HEATR1: variants seen among roughly 807,000 people sequenced by gnomAD.
HEATR1 encodes the protein HEAT repeat containing 1, also known as HEAT repeat-containing protein 1.
Under a neutral mutation model 248.2 loss-of-function variants are expected in HEATR1, and 77 were observed. That is an observed-to-expected ratio of 0.31 (90% CI 0.26 to 0.37). The LOEUF is 0.37. HEATR1 is among the 10% of genes least tolerant of loss of function. The pLI, the probability that HEATR1 is intolerant of heterozygous loss-of-function variation, is 1.00. For synonymous variants in HEATR1, 897 were observed against 923.1 expected (o/e 0.97, Z 0.51); for missense variants, 2,420 against 2,504.9 (o/e 0.97, Z 0.72).
At chr1:236,589,132 C>T (rs545941102) in intron 12 of HEATR1, among the ~76,000 whole-genome samples, 20 of 152,170 alleles carry the variant, frequency 1.3e-4, no homozygotes, top group African/African-American at 4.3e-4. Context: ...CACCGAAAAA[C>T]GAACCAAACC....
chr1:236,556,666 T>C (rs1662987212), intron 37 of HEATR1, among the ~76,000 whole-genome samples: 1 of 152,194 alleles, frequency 6.6e-6, no homozygotes, highest in Admixed American at 6.5e-5. Context: ...ATTTGCCCCA[T>C]GGTAATGAAG....
At chr1:236,551,272 C>T (rs1042291346) in intron 44 of HEATR1, 1 of 406,292 alleles carries the variant, frequency 2.5e-6, no homozygotes, top group Non-Finnish European at 4.4e-6. Flanking sequence ...CACACCTCCC[C>T]CCTCCAAGAG....
In HEATR1 at chr1:236,559,828, C is replaced by G; in HGVS notation, c.4656G>C (p.Glu1552Asp). 6.2e-7 allele frequency: 1 copy of G among 1,603,506 alleles called. No homozygotes were observed. The highest frequency in any genetic ancestry group is 8.5e-7 in the Non-Finnish European group (1 of 1,173,444). ...ILKGLEERLLETVLGYISAVA... is the reference protein window; with the variant it reads ...ILKGLEERLLDTVLGYISAVA... ...CTGCACTGATATAGCCGAGAACGGT[C>G]TCCAGCAACCTGAAACACAGAGGCT... is the stretch of plus-strand genomic sequence containing the variant. The change falls in exon 34 of 45, where the codon GAG (glutamate) becomes GAC (aspartate). Residue 1552 changes from glutamate (E) to aspartate (D), a missense_variant. Glu to Asp is a conservative substitution (Grantham distance 45, BLOSUM62 2). Coordinates refer to ENST00000366582, the MANE Select transcript of HEATR1 (RefSeq NM_018072.6).
At position 236,549,201 on chromosome 1, in the gene HEATR1, T is replaced by A; in HGVS notation, c.*1701A>T. On this transcript the variant is annotated 3_prime_UTR_variant, in exon 45 of 45. Coordinates refer to ENST00000366582, the MANE Select transcript of HEATR1 (RefSeq NM_018072.6). ...TCTTCTAAAGATTAGTCCATCATCA[T>A]TAGCAACTGAGATCAAAGCACTCTT... is the stretch of plus-strand genomic sequence containing the variant. 5.1e-6 allele frequency: 2 copies of A among 389,238 alleles called. No individual in the cohort carries two copies. The highest frequency in any genetic ancestry group is 9.1e-6 in the Non-Finnish European group (2 of 220,510). 24.1% of individuals were successfully genotyped at this position (389,238 alleles called of 1,614,324 possible).
chr1:236,585,762 GAATTT>G (rs1663868296), intron 16 of HEATR1, 53 bp downstream of exon 16: 1 of 1,540,030 alleles, frequency 6.5e-7, no homozygotes. Context: ...CAAAAGCTGA[GAATTT>G]AATAAGAGTA....
intron 6 of HEATR1, among the ~76,000 whole-genome samples, chr1:236,596,473 G>C (rs545108077): frequency 6.6e-6 from 1 of 152,302 alleles, no homozygotes; most frequent in South Asian, 2.1e-4. Context: ...AAGGCACTTG[G>C]GAAGGAGAAA....
At position 236,592,429 on chromosome 1, in the gene HEATR1, G is replaced by A. The variant is rs74145999; in HGVS notation, c.1304+94C>T. The A allele has an allele frequency of 5.7e-4, 384 of 673,292 alleles. No individual in the cohort carries two copies. The African/African-American group carries it at 6.4e-3, about 11-fold the overall frequency. The allele number at this position is 673,292 out of a possible 1,614,324, so 41.7% of individuals were successfully genotyped here. A position where few individuals can be genotyped will look rare whatever the true frequency, so the allele number is the denominator to read the frequency against. ...AACAAATTTAAAAAGGACAGTCTCTGTACAATTCAGTATATTAAGATGTGA... is the reference window on the plus strand; with the variant it reads ...AACAAATTTAAAAAGGACAGTCTCTATACAATTCAGTATATTAAGATGTGA... On this transcript the variant is annotated intron_variant, in intron 10 of 44. Coordinates refer to ENST00000366582, the MANE Select transcript of HEATR1 (RefSeq NM_018072.6).
At chr1:236,585,335 A>G in intron 16 of HEATR1, 119 bp from the exon 17 acceptor site, 1 of 748,744 alleles carries the variant, frequency 1.3e-6, no homozygotes, top group South Asian at 2.2e-5. Flanking sequence ...ACAAACAGAA[A>G]GCCTTTATAA....
chr1:236,598,707 A>G (rs1664239536), intron 4 of HEATR1, among the ~76,000 whole-genome samples: 1 of 152,104 alleles, frequency 6.6e-6, no homozygotes. Flanking sequence ...TATCTTACTA[A>G]TTCTGAACAC....
Position 236,581,335 on chromosome 1 carries a change from A to G in HEATR1, c.2642T>C (p.Leu881Pro). The change falls in exon 20 of 45, where the codon CTA (leucine) becomes CCA (proline). Residue 881 changes from leucine to proline, a missense_variant. Transcript: ENST00000366582. ...CAGCACTGTTTTCACACTGCAGTTTAGTGGATTTGAAAGGCTAGAACCATA... is the reference window on the plus strand; with the variant it reads ...CAGCACTGTTTTCACACTGCAGTTTGGTGGATTTGAAAGGCTAGAACCATA... ...WTYGSSLSNP[L>P]NCSVKTVLQT... The G allele has an allele frequency of 1.2e-6, 2 of 1,612,146 alleles. No individual in the cohort carries two copies. The highest frequency in any genetic ancestry group is 1.7e-6 in the Non-Finnish European group (2 of 1,179,398).
At chr1:236,565,858 T>A in intron 31 of HEATR1, 61 bp downstream of exon 31, 1 of 1,517,256 alleles carries the variant, frequency 6.6e-7, no homozygotes, top group Non-Finnish European at 9.0e-7. Context: ...TAACCTGCAT[T>A]CTCTTCTGTT....
intron 39 of HEATR1, 58 bp downstream of exon 39, chr1:236,555,747 G>A (rs557720706): frequency 2.4e-5 from 39 of 1,609,358 alleles, no homozygotes; most frequent in African/African-American, 5.3e-5. Flanking sequence ...GATTGTTCTC[G>A]GACTCTTCAA....
chr1:236,591,988 CAT>C lies in HEATR1; in HGVS notation c.1422+3_1422+4del, dbSNP rs1231131427. On this transcript the variant is annotated splice_donor_region_variant and intron_variant, in intron 11 of 44. Coordinates refer to ENST00000366582, the MANE Select transcript of HEATR1 (RefSeq NM_018072.6). ...TTGTCATAATTCCTTTGGAGAACAACATACCTGATACTTTCCTCCACTTGTAG... is the reference window on the plus strand; with the variant it reads ...TTGTCATAATTCCTTTGGAGAACAACACCTGATACTTTCCTCCACTTGTAG... 1 of 1,524,870 alleles carries C rather than the reference CAT, an allele frequency of 6.6e-7. No homozygotes were observed. The allele number at this position is 1,524,870 out of a possible 1,614,324, so 94.5% of individuals were successfully genotyped here. A position where few individuals can be genotyped will look rare whatever the true frequency, so the allele number is the denominator to read the frequency against.
rs747034390 is a variant in HEATR1, at chr1:236,596,963, T to C, written c.617A>G (p.Tyr206Cys). 1 of 1,610,580 alleles carries C rather than the reference T, an allele frequency of 6.2e-7. No homozygotes were observed. The highest frequency in any genetic ancestry group is 1.1e-5 in the South Asian group (1 of 90,408). ...VTKSVKVFAE[Y>C]PGSSAQLRVL... ...CCTCAACTGAGCTGAGCTGCCCGGG[T>C]ACTCAGCAAAAACCTGAAACAAGGA... Residue 206 changes from tyrosine to cysteine, a missense_variant, in exon 6 of 45, where the codon TAC becomes TGC. Coordinates refer to ENST00000366582, the MANE Select transcript of HEATR1 (RefSeq NM_018072.6).
In HEATR1 at chr1:236,551,984, T is replaced by C. The variant is rs758881372; in HGVS notation, c.6346+15A>G. 1.4e-6 allele frequency: 2 copies of C among 1,466,666 alleles called. No homozygotes were observed. The highest frequency in any genetic ancestry group is 2.3e-5 in the East Asian group (1 of 44,132). 90.9% of individuals were successfully genotyped at this position (1,466,666 alleles called of 1,614,324 possible). A position where few individuals can be genotyped will look rare whatever the true frequency, so the allele number is the denominator to read the frequency against. ...TCCTTAATTGTTTAATGGTTGGGAA[T>C]AGTTTGGGAATTACCTTCCATCAAC... On this transcript the variant is annotated intron_variant, in intron 44 of 44. Transcript: ENST00000366582.
At chr1:236,552,143 G>A (rs528773286) in intron 43 of HEATR1, 36 bp from the exon 44 acceptor site, 17,002 of 1,354,150 alleles carry the variant, frequency 0.013, 133 homozygotes, top group Non-Finnish European at 0.014. Context: ...ATAAAAAGTA[G>A]TGTTACTGTA....
At chr1:236,567,299 G>C (rs1663297814) in intron 29 of HEATR1, among the ~76,000 whole-genome samples, 1 of 152,132 alleles carries the variant, frequency 6.6e-6, no homozygotes, top group African/African-American at 2.4e-5. Flanking sequence ...AATAATCAAA[G>C]GCCTAACAAT....
intron 34 of HEATR1, 26 bp downstream of exon 34, chr1:236,559,688 A>G (rs1221257338): frequency 1.3e-6 from 2 of 1,570,822 alleles, no homozygotes; most frequent in East Asian, 4.6e-5. Context: ...ACAAAACAGT[A>G]ATTCCAGGGA....
chr1:236,555,452 C>A lies in HEATR1; in HGVS notation c.5767G>T (p.Ala1923Ser), dbSNP rs1316172426. The A allele has an allele frequency of 1.9e-6, 3 of 1,614,168 alleles. No individual in the cohort carries two copies. In the South Asian group the frequency reaches 3.3e-5, roughly 18 times the overall value. Residue 1923 changes from alanine (A) to serine (S), a missense_variant, in exon 41 of 45, where the codon GCT becomes TCT. Ala to Ser is a moderately conservative substitution (Grantham distance 99). Transcript: ENST00000366582. The part of the protein sequence containing the change: ...RPLFFKLFDW[A>S]KTEDAPKDRL... ...TCCTTTGGGGCATCTTCTGTTTTAGCCCAATCAAACAGCTGAAAGGATAAG... is the reference window on the plus strand; with the variant it reads ...TCCTTTGGGGCATCTTCTGTTTTAGACCAATCAAACAGCTGAAAGGATAAG...
Sources: gnomAD v4.1 joint callset for allele counts (sites outside exome capture counted in the v4.1 genomes callset) on GRCh38, gnomAD v4.1.1 for gene constraint, MANE v1.5 for transcripts, NCBI Gene and HGNC (gene_info 2026-07-23, HGNC 2026-07-21) for gene names.